Variants in RELN observed in about 807,000 individuals in gnomAD.
The protein encoded by RELN is reelin.
A neutral mutation model predicts 427.6 loss-of-function variants in RELN; 108 were observed. That is an observed-to-expected ratio of 0.25 (90% CI 0.22 to 0.30). The LOEUF (loss-of-function observed/expected upper bound fraction) is 0.30, where lower values mean the gene tolerates loss of function less well. RELN is among the 10% of genes least tolerant of loss of function. RELN has a pLI of 1.00. For missense variants in RELN, 3,715 were observed against 4,302.8 expected (o/e 0.86, Z 3.82); for synonymous variants, 1,524 against 1,513.4 (o/e 1.01, Z -0.16).
At chr7:103,497,077 A>G (rs540582017) in intron 55 of RELN, among the ~76,000 whole-genome samples, 1 of 152,218 alleles carries the variant, frequency 6.6e-6, no homozygotes, top group African/African-American at 2.4e-5. Flanking sequence ...AGATACACCC[A>G]TGTTTTACAT....
rs557546741 is a variant in RELN, at chr7:103,888,224, C to T, written c.337+28851G>A. On this transcript the variant is annotated intron_variant, in intron 2 of 64. Coordinates refer to ENST00000428762, the MANE Select transcript of RELN (RefSeq NM_005045.4). ...CATCTGGACCTGAGCTCTTTTATAC[C>T]AGCTCTTTTAAGAAAAAAAAATATA... is the stretch of plus-strand genomic sequence containing the variant. 4.2e-5 allele frequency among the ~76,000 whole-genome samples: 5 copies of T among 120,396 alleles called. 1 individual carries two copies. The highest frequency in any genetic ancestry group is 3.4e-4 in the South Asian group (1 of 2,958). 79.0% of individuals were successfully genotyped at this position (120,396 alleles called of 152,430 possible).
intron 2 of RELN, among the ~76,000 whole-genome samples, chr7:103,909,720 T>A (rs1354424218): frequency 1.2e-4 from 4 of 33,214 alleles, no homozygotes; most frequent in Non-Finnish European, 2.4e-4. Flanking sequence ...AAATATATAT[T>A]AAATATATTT....
At chr7:103,610,235 A>C (rs548489031) in intron 22 of RELN, among the ~76,000 whole-genome samples, 1 of 152,280 alleles carries the variant, frequency 6.6e-6, no homozygotes, top group East Asian at 1.9e-4. Context: ...TTCCTGGGGG[A>C]TAATTTTTAG....
chr7:103,548,869 T>C (rs533313682), intron 41 of RELN, among the ~76,000 whole-genome samples: 12 of 152,336 alleles, frequency 7.9e-5, no homozygotes, highest in Middle Eastern at 3.4e-3. Context: ...ACATCTTCAC[T>C]CAGTGCCTCT....
intron 2 of RELN, among the ~76,000 whole-genome samples, chr7:103,913,607 T>C (rs1563087769): frequency 1.3e-5 from 2 of 152,164 alleles, no homozygotes; most frequent in African/African-American, 2.4e-5. Flanking sequence ...TCTACTTTCC[T>C]ACCCTAATCA....
intron 46 of RELN, among the ~76,000 whole-genome samples, chr7:103,530,646 G>C (rs1829917782): frequency 6.6e-6 from 1 of 152,110 alleles, no homozygotes; most frequent in African/African-American, 2.4e-5. Context: ...CCCTCTGCTT[G>C]AATCGGCAAC....
chr7:103,730,772 C>G (rs995276430), intron 6 of RELN, among the ~76,000 whole-genome samples: 2 of 152,110 alleles, frequency 1.3e-5, no homozygotes, highest in Non-Finnish European at 2.9e-5. Context: ...ATGTCCTTTA[C>G]TTGAATTTCT....
chr7:103,872,013 A>AATATAT (rs780607319), intron 2 of RELN, among the ~76,000 whole-genome samples: 5 of 115,068 alleles, frequency 4.3e-5, no homozygotes, highest in East Asian at 5.6e-4. Context: ...ACAGTATATG[A>AATATAT]ATATATATAT....
chr7:103,867,056 T>A (rs905419651), intron 2 of RELN, among the ~76,000 whole-genome samples: 3 of 152,148 alleles, frequency 2.0e-5, no homozygotes, highest in Admixed American at 6.6e-5. Context: ...AAATGAGACC[T>A]GTTAAGACTG....
chr7:103,600,602 G>A (rs1831642653), intron 24 of RELN, among the ~76,000 whole-genome samples: 1 of 152,048 alleles, frequency 6.6e-6, no homozygotes, highest in Non-Finnish European at 1.5e-5. Context: ...CCCTCCTTGT[G>A]TTTTCCCTCC....
At chr7:103,924,176 G>A (rs933623580) in intron 1 of RELN, among the ~76,000 whole-genome samples, 1 of 152,112 alleles carries the variant, frequency 6.6e-6, no homozygotes, top group African/African-American at 2.4e-5. Flanking sequence ...CATGCCCTGG[G>A]TACATGGGTA....
chr7:103,859,990 T>G (rs967606576), intron 2 of RELN, among the ~76,000 whole-genome samples: 4 of 152,164 alleles, frequency 2.6e-5, no homozygotes, highest in African/African-American at 9.6e-5. Context: ...ATCAACCCTA[T>G]GTAAGTAAAC....
chr7:103,611,532 T>G, intron 21 of RELN, 79 bp downstream of exon 21: 3 of 1,033,196 alleles, frequency 2.9e-6, no homozygotes, highest in East Asian at 2.6e-5. Flanking sequence ...CTTCTAGAAC[T>G]GTAATTTTTT....
intron 1 of RELN, among the ~76,000 whole-genome samples, chr7:103,949,442 G>A (rs1796289153): frequency 6.6e-6 from 1 of 151,920 alleles, no homozygotes; most frequent in South Asian, 2.1e-4. Context: ...GACTTTGGGA[G>A]GTAATTAGGT....
rs1349932108 is a variant in RELN, at chr7:103,640,452, T to C, written c.2069+91A>G. 1.7e-5 allele frequency: 22 copies of C among 1,289,510 alleles called. No homozygotes were observed. Among genetic ancestry groups the C allele is most frequent in the Non-Finnish European group, 2.5e-5 (22 of 889,994 alleles). The allele number at this position is 1,289,510 out of a possible 1,614,324, so 79.9% of individuals were successfully genotyped here. On this transcript the variant is annotated intron_variant, in intron 17 of 64. Coordinates refer to ENST00000428762, the MANE Select transcript of RELN (RefSeq NM_005045.4). The surrounding 1 kb of genome is among the most constrained non-coding windows in gnomAD (Gnocchi z 4.1). ...CTTTTTGTCTTAAAAAGATCCCCGA[T>C]CCTAAAAAAGGTTATTAAATGACTT...
intron 50 of RELN, 105 bp from the exon 51 acceptor site, chr7:103,511,110 CATATT>C (rs1829396564): frequency 1.3e-6 from 1 of 761,406 alleles, no homozygotes; most frequent in Non-Finnish European, 2.3e-6. Flanking sequence ...AGAAACTGCT[CATATT>C]ATATACACTC....
rs945167410 is a variant in RELN, at chr7:103,573,894, T to C, written c.4511+198A>G. ...TTGGTGATGACCACACATGGATTTA[T>C]GAATTGCAGCATGGTCTTTGTAGAA... On this transcript the variant is annotated intron_variant, in intron 30 of 64. Coordinates refer to ENST00000428762, the MANE Select transcript of RELN (RefSeq NM_005045.4). The surrounding 1 kb of genome is among the most constrained non-coding windows in gnomAD (Gnocchi z 4.4). 1.6e-4 allele frequency among the ~76,000 whole-genome samples: 25 copies of C among 152,234 alleles called. No homozygotes were observed. The highest frequency in any genetic ancestry group is 4.8e-4 in the African/African-American group (20 of 41,456).
At chr7:103,731,869 T>C (rs960973359) in intron 6 of RELN, among the ~76,000 whole-genome samples, 1 of 152,172 alleles carries the variant, frequency 6.6e-6, no homozygotes, top group Non-Finnish European at 1.5e-5. Flanking sequence ...TAACTCAATA[T>C]ATTCAATTAT....
intron 2 of RELN, among the ~76,000 whole-genome samples, chr7:103,862,207 C>T (rs1047590372): frequency 6.6e-6 from 1 of 152,092 alleles, no homozygotes; most frequent in Admixed American, 6.6e-5. Context: ...AATGGCTGAC[C>T]TTTCAGTATA....
Sources: allele counts gnomAD v4.1 joint callset (sites outside exome capture counted in the v4.1 genomes callset), GRCh38; gene constraint gnomAD v4.1.1; non-coding constraint Gnocchi (gnomAD v3.1); transcripts MANE v1.5; gene names NCBI Gene and HGNC (gene_info 2026-07-23, HGNC 2026-07-21).